The following PLCB1 variants were observed in gnomAD, a reference collection of about 807,000 sequenced individuals.
PLCB1 encodes phospholipase C beta 1.
A neutral mutation model predicts 161.8 loss-of-function variants in PLCB1; 46 were observed. The observed-to-expected ratio is 0.28, with a 90% CI of 0.22 to 0.36. PLCB1 has a LOEUF of 0.36. PLCB1 is among the 10% of genes least tolerant of loss of function. The pLI is 1.00. For synonymous variants in PLCB1, 517 were observed against 503.7 expected, an observed-to-expected ratio of 1.03 and a Z score of -0.35; for missense variants, 1,016 against 1,472.5, an observed-to-expected ratio of 0.69 and a Z score of 5.07.
intron 2 of PLCB1, among the ~76,000 whole-genome samples, chr20:8,353,517 C>T (rs1986253879): frequency 6.6e-6 from 1 of 152,176 alleles, no homozygotes; most frequent in East Asian, 1.9e-4. Context: ...CTGCCTCAGT[C>T]AGCTGACCAA....
intron 31 of PLCB1, among the ~76,000 whole-genome samples, chr20:8,854,073 G>A (rs1226710471): frequency 6.6e-6 from 1 of 152,244 alleles, no homozygotes; most frequent in African/African-American, 2.4e-5. Context: ...AGCTCACAAA[G>A]GCAAAATAAA....
At chr20:8,466,183 A>G (rs1011482632) in intron 3 of PLCB1, among the ~76,000 whole-genome samples, 5 of 151,940 alleles carry the variant, frequency 3.3e-5, no homozygotes, top group Admixed American at 6.6e-5. Flanking sequence ...GGGGACATGG[A>G]TGCAATTGGA....
chr20:8,548,209 C>A (rs1985630398), intron 3 of PLCB1, among the ~76,000 whole-genome samples: 1 of 72,734 alleles, frequency 1.4e-5, no homozygotes. Flanking sequence ...CATTTTCTTT[C>A]CTTCCTTCCT....
At chr20:8,684,229 A>ATTAT (rs111508342) in intron 9 of PLCB1, among the ~76,000 whole-genome samples, 7,253 of 145,182 alleles carry the variant, frequency 0.05, 276 homozygotes, top group African/African-American at 0.1. Context: ...CCACTTGTAA[A>ATTAT]TTATTTATTT....
chr20:8,663,284 ATATCT>A (rs991479509), intron 9 of PLCB1, among the ~76,000 whole-genome samples: 1 of 152,010 alleles, frequency 6.6e-6, no homozygotes, highest in Non-Finnish European at 1.5e-5. Context: ...ATCAATAAAC[ATATCT>A]TAAAGTAGGT....
At chr20:8,216,959 G>C (rs1172325166) in intron 2 of PLCB1, among the ~76,000 whole-genome samples, 1 of 152,088 alleles carries the variant, frequency 6.6e-6, no homozygotes, top group African/African-American at 2.4e-5. Context: ...CCCCTTACCA[G>C]GGACATTCTC....
At chr20:8,484,635 C>T (rs1982646848) in intron 3 of PLCB1, among the ~76,000 whole-genome samples, 1 of 152,206 alleles carries the variant, frequency 6.6e-6, no homozygotes, top group Non-Finnish European at 1.5e-5. Flanking sequence ...AGGCATGAGC[C>T]ACCGGCCTGC....
chr20:8,649,476 T>C (rs1243514605), intron 7 of PLCB1, 27 bp downstream of exon 7: 4 of 1,518,888 alleles, frequency 2.6e-6, no homozygotes, highest in Non-Finnish European at 3.7e-6. Context: ...TGCTATAGTT[T>C]GAATGTTCAG....
intron 27 of PLCB1, among the ~76,000 whole-genome samples, chr20:8,776,955 C>T (rs904739831): frequency 3.9e-5 from 6 of 152,134 alleles, no homozygotes; most frequent in South Asian, 2.1e-4. Context: ...GAAAGGTTTA[C>T]GCAGAAGGCA....
chr20:8,823,088 A>G (rs150319938), intron 31 of PLCB1, among the ~76,000 whole-genome samples: 112 of 152,272 alleles, frequency 7.4e-4, no homozygotes, highest in African/African-American at 2.6e-3. Flanking sequence ...GTATAAGTGG[A>G]TGTGCAACGG....
chr20:8,858,538 G>A (rs1437368578), intron 31 of PLCB1, among the ~76,000 whole-genome samples: 1 of 152,096 alleles, frequency 6.6e-6, no homozygotes, highest in Non-Finnish European at 1.5e-5. Context: ...GAGATCCCTC[G>A]GGGAGTCTTG....
chr20:8,183,959 C>T (rs770108622), intron 2 of PLCB1, among the ~76,000 whole-genome samples: 1 of 152,190 alleles, frequency 6.6e-6, no homozygotes, highest in Non-Finnish European at 1.5e-5. Context: ...AAACTGCATT[C>T]TTCCATCTTG....
chr20:8,508,592 C>G (rs1254176168), intron 3 of PLCB1, among the ~76,000 whole-genome samples: 1 of 152,120 alleles, frequency 6.6e-6, no homozygotes, highest in African/African-American at 2.4e-5. Flanking sequence ...AACCTTTGAC[C>G]AAATGAGTGA....
intron 11 of PLCB1, among the ~76,000 whole-genome samples, chr20:8,698,263 A>G (rs148404894): frequency 6.6e-6 from 1 of 152,278 alleles, no homozygotes; most frequent in Non-Finnish European, 1.5e-5. Context: ...CCTGACTATT[A>G]CAGTGGTCCC....
intron 31 of PLCB1, among the ~76,000 whole-genome samples, chr20:8,837,473 A>C (rs1490983592): frequency 6.6e-6 from 1 of 152,250 alleles, no homozygotes; most frequent in Non-Finnish European, 1.5e-5. Flanking sequence ...AGCAGACAGC[A>C]TGCATTTAAT....
At chr20:8,560,095 G>T (rs1005848204) in intron 3 of PLCB1, among the ~76,000 whole-genome samples, 1 of 151,876 alleles carries the variant, frequency 6.6e-6, no homozygotes, top group African/African-American at 2.4e-5. Context: ...GAATCCCCTG[G>T]GAGGCTGATA....
intron 3 of PLCB1, among the ~76,000 whole-genome samples, chr20:8,418,570 A>G (rs1027916000): frequency 3.3e-5 from 5 of 152,008 alleles, no homozygotes; most frequent in African/African-American, 1.2e-4. Flanking sequence ...TTCTTTATCA[A>G]ATTATTCATT....
intron 3 of PLCB1, among the ~76,000 whole-genome samples, chr20:8,444,128 G>A (rs1763114382): frequency 6.6e-6 from 1 of 151,890 alleles, no homozygotes; most frequent in Non-Finnish European, 1.5e-5. Context: ...CCATGTTGGT[G>A]TGCTGCACCC....
At chr20:8,823,778 C>T (rs904995100) in intron 31 of PLCB1, among the ~76,000 whole-genome samples, 6 of 152,194 alleles carry the variant, frequency 3.9e-5, no homozygotes, top group African/African-American at 7.2e-5. Flanking sequence ...TCAGCACTAA[C>T]GCCTTCTACA....
Sources: allele counts gnomAD v4.1 joint callset (sites outside exome capture counted in the v4.1 genomes callset), GRCh38; gene constraint gnomAD v4.1.1; transcripts MANE v1.5; gene names NCBI Gene and HGNC (gene_info 2026-07-23, HGNC 2026-07-21).